Variants in DDX42 observed in about 807,000 individuals in gnomAD.
The protein encoded by DDX42 is DEAD-box helicase 42.
In DDX42, 22 loss-of-function variants were observed where a neutral mutation model predicts 101.5. The ratio of observed to expected loss-of-function variants is 0.22; its 90% CI spans 0.15 to 0.31. The LOEUF (loss-of-function observed/expected upper bound fraction) is 0.31. Ranked by LOEUF, DDX42 falls within the 10% of genes least tolerant of loss-of-function variation. DDX42 has a pLI of 1.00. For synonymous variants in DDX42, 402 were observed against 401.2 expected, an observed-to-expected ratio of 1.00 and a Z score of -0.02; for missense variants, 849 against 1,199.9, an observed-to-expected ratio of 0.71 and a Z score of 4.32.
intron 2 of DDX42, among the ~76,000 whole-genome samples, chr17:63,789,970 A>G (rs140864785): frequency 2.6e-5 from 4 of 152,190 alleles, no homozygotes; most frequent in African/African-American, 7.2e-5. Context: ...AAAGTCAGAG[A>G]TCATTATTCT....
intron 6 of DDX42, 152 bp from the exon 7 acceptor site, chr17:63,804,919 G>A: frequency 1.1e-6 from 1 of 878,518 alleles, no homozygotes; most frequent in South Asian, 1.9e-5. Context: ...TACTTTTTAG[G>A]ATCTAAGCTG....
Position 63,807,581 on chromosome 17 carries a change from CACA to C in DDX42, c.847-140_847-138del, listed in dbSNP as rs2039858039. On this transcript the variant is annotated intron_variant, in intron 8 of 17. Transcript: ENST00000389924. ...ATGTTGGATATTGATATTTCTATTT[CACA>C]ACCAGTATGCATAGCACCAGGTATG... 4 of 630,660 alleles carry C rather than the reference CACA, an allele frequency of 6.3e-6. No homozygotes were observed. In the East Asian group the frequency reaches 1.2e-4, roughly 19 times the overall value. 39.1% of individuals were successfully genotyped at this position (630,660 alleles called of 1,614,324 possible).
chr17:63,805,869 C>T (rs527850655), intron 7 of DDX42: 4 of 152,192 alleles, frequency 2.6e-5, no homozygotes, highest in African/African-American at 7.2e-5. Flanking sequence ...CCCCAGTGAC[C>T]CAAGAAAAAT....
In DDX42 at chr17:63,774,300, G is replaced by A. The variant is rs2039386866; in HGVS notation, c.-93G>A. 3.6e-6 allele frequency: 1 copy of A among 277,120 alleles called. No individual in the cohort carries two copies. The highest frequency in any genetic ancestry group is 6.7e-6 in the Non-Finnish European group (1 of 149,086). The allele number at this position is 277,120 out of a possible 1,614,324, so 17.2% of individuals were successfully genotyped here. A position where few individuals can be genotyped will look rare whatever the true frequency, so the allele number is the denominator to read the frequency against. On this transcript the variant is annotated 5_prime_UTR_variant, in exon 1 of 18. Transcript: ENST00000389924. ...AAGGAGCGCGGCGGGACCGGGCCGG[G>A]ACAGCGCGTACTTTGGGCTCCGGGA... is the stretch of plus-strand genomic sequence containing the variant.
chr17:63,793,698 A>G (rs1056156048), intron 3 of DDX42, among the ~76,000 whole-genome samples: 1 of 152,152 alleles, frequency 6.6e-6, no homozygotes, highest in Admixed American at 6.5e-5. Flanking sequence ...TTAAATATCC[A>G]TCTGTTATTT....
intron 1 of DDX42, among the ~76,000 whole-genome samples, chr17:63,780,581 C>T (rs1216143613): frequency 2.6e-5 from 4 of 152,154 alleles, no homozygotes; most frequent in Non-Finnish European, 5.9e-5. Context: ...TAACATTCTA[C>T]TCAGGGTATA....
At chr17:63,814,723 T>G (rs2039955873) in intron 15 of DDX42, among the ~76,000 whole-genome samples, 1 of 129,214 alleles carries the variant, frequency 7.7e-6, no homozygotes, top group African/African-American at 2.9e-5. Context: ...GGAGTCACAC[T>G]CTATCACCCA....
At chr17:63,800,643 C>G in intron 6 of DDX42, 26 bp downstream of exon 6, 2 of 1,609,110 alleles carry the variant, frequency 1.2e-6, no homozygotes, top group Non-Finnish European at 1.7e-6. Flanking sequence ...CTGAATTTTA[C>G]TCTTGTTTCA....
Position 63,800,623 on chromosome 17 carries a change from G to A in DDX42, c.621+6G>A. On this transcript the variant is annotated splice_donor_region_variant and intron_variant, in intron 6 of 17. Coordinates refer to ENST00000389924, the MANE Select transcript of DDX42 (RefSeq NM_203499.3). ...CCCCCATTGATCATTCAGAGGTATG[G>A]TGTTTCTTGCTGAATTTTACTCTTG... The A allele has an allele frequency of 1.2e-6, 2 of 1,610,956 alleles. No individual in the cohort carries two copies. The highest frequency in any genetic ancestry group is 1.7e-6 in the Non-Finnish European group (2 of 1,178,978).
Position 63,818,167 on chromosome 17 carries a change from C to G in DDX42, c.2586C>G (p.Asn862Lys), listed in dbSNP as rs753913595. The change falls in exon 18 of 18, where the codon AAC becomes AAG. Residue 862 changes from asparagine to lysine, a missense_variant. By Grantham distance (94) the Asn-to-Lys change is moderately conservative. Coordinates refer to ENST00000389924, the MANE Select transcript of DDX42 (RefSeq NM_203499.3). ...RHTDGHRHGE[N>K]RHGGSAGRHG... ...CTGATGGCCATCGGCACGGGGAGAA[C>G]AGACATGGAGGAAGCGCAGGCCGGC... 36 of 1,613,672 alleles carry G rather than the reference C, an allele frequency of 2.2e-5. No homozygotes were observed. Among genetic ancestry groups the G allele is most frequent in the Non-Finnish European group, 2.7e-5 (32 of 1,180,014 alleles).
chr17:63,799,386 G>T (rs1001279081), intron 4 of DDX42: 5 of 444,244 alleles, frequency 1.1e-5, no homozygotes, highest in Admixed American at 8.1e-5. Flanking sequence ...CCATTTAAAA[G>T]AAATGCAAAC....
At position 63,818,136 on chromosome 17, in the gene DDX42, GTCA is replaced by G. The variant is rs1380596916; in HGVS notation, c.2557_2559del (p.His853del). On this transcript the variant is annotated inframe_deletion, in exon 18 of 18. Transcript: ENST00000389924. ...TACCGCCATCCAGAAAGCAGCAGCC[GTCA>G]TACTGATGGCCATCGGCACGGGGAG... is the stretch of plus-strand genomic sequence containing the variant. 1 of 1,613,884 alleles carries G rather than the reference GTCA, an allele frequency of 6.2e-7. No individual in the cohort carries two copies. The highest frequency in any genetic ancestry group is 1.3e-5 in the African/African-American group (1 of 74,912).
At chr17:63,796,032 T>G (rs1337302725) in intron 3 of DDX42, among the ~76,000 whole-genome samples, 1 of 152,210 alleles carries the variant, frequency 6.6e-6, no homozygotes, top group East Asian at 1.9e-4. Context: ...TGTTAAGTGA[T>G]TTACCCTAGG....
chr17:63,817,580 TCA>T (rs2039991635), intron 17 of DDX42, 112 bp from the exon 18 acceptor site: 7 of 1,031,560 alleles, frequency 6.8e-6, no homozygotes, highest in African/African-American at 1.6e-5. Context: ...GACACTAAAC[TCA>T]CAGTGCCAGG....
intron 6 of DDX42, among the ~76,000 whole-genome samples, chr17:63,802,442 A>G (rs2039782593): frequency 6.6e-6 from 1 of 152,216 alleles, no homozygotes; most frequent in Admixed American, 6.5e-5. Context: ...TTCAAGGAAA[A>G]CAATTGAAAG....
At chr17:63,791,376 A>G (rs1221071573) in intron 2 of DDX42, among the ~76,000 whole-genome samples, 5 of 152,122 alleles carry the variant, frequency 3.3e-5, no homozygotes, top group African/African-American at 9.7e-5. Flanking sequence ...CAGTGGCACA[A>G]TCTCAGTTCA....
chr17:63,781,592 T>TC (rs1272142981), intron 1 of DDX42, among the ~76,000 whole-genome samples: 1 of 152,162 alleles, frequency 6.6e-6, no homozygotes, highest in East Asian at 1.9e-4. Context: ...CCCGTGTTCC[T>TC]CCTTGTCTCC....
chr17:63,807,243 C>T (rs916509473), intron 8 of DDX42, among the ~76,000 whole-genome samples: 4 of 152,184 alleles, frequency 2.6e-5, no homozygotes, highest in African/African-American at 9.7e-5. Context: ...CAGGTTCAAG[C>T]AATTCTCCTG....
intron 1 of DDX42, among the ~76,000 whole-genome samples, chr17:63,779,698 C>G (rs2039462940): frequency 6.6e-6 from 1 of 152,124 alleles, no homozygotes; most frequent in Non-Finnish European, 1.5e-5. Context: ...GGCAACCACT[C>G]TTCTACTCTG....
Sources: allele counts gnomAD v4.1 joint callset (sites outside exome capture counted in the v4.1 genomes callset), GRCh38; gene constraint gnomAD v4.1.1; transcripts MANE v1.5; gene names NCBI Gene and HGNC (gene_info 2026-07-23, HGNC 2026-07-21).